The following PLCE1 variants were observed in gnomAD, a reference collection of about 807,000 sequenced individuals.
PLCE1 encodes phospholipase C epsilon 1, also known as 1-phosphatidylinositol 4,5-bisphosphate phosphodiesterase epsilon-1.
Under a neutral mutation model 242.8 loss-of-function variants are expected in PLCE1, and 119 were observed. That is an observed-to-expected ratio of 0.49 (90% confidence interval 0.42 to 0.57). The LOEUF is 0.57. PLCE1 is among the 20% of genes least tolerant of loss of function. The pLI, the probability that PLCE1 is intolerant of heterozygous loss-of-function variation, is 0.00. For synonymous variants in PLCE1, 945 were observed against 1,017.4 expected (o/e 0.93, Z 1.35); for missense variants, 2,441 against 2,788.8 (o/e 0.88, Z 2.81).
At chr10:94,147,334 A>T (rs1466156191) in intron 3 of PLCE1, among the ~76,000 whole-genome samples, 8 of 152,146 alleles carry the variant, frequency 5.3e-5, no homozygotes, top group Admixed American at 5.2e-4. Context: ...AGGCAGGAGA[A>T]TCACTTGAAC....
intron 2 of PLCE1, among the ~76,000 whole-genome samples, chr10:94,118,730 A>G (rs1275047403): frequency 6.6e-6 from 1 of 152,158 alleles, no homozygotes; most frequent in Admixed American, 6.5e-5. Context: ...CAAATTGCCC[A>G]ATCTTGGGTA....
chr10:94,284,628 G>A (rs2052370875), intron 21 of PLCE1, among the ~76,000 whole-genome samples: 1 of 152,156 alleles, frequency 6.6e-6, no homozygotes, highest in African/African-American at 2.4e-5. Flanking sequence ...TAAGACAGTG[G>A]ACCATGCACT....
chr10:94,002,295 C>T (rs1320438169), intron 1 of PLCE1, among the ~76,000 whole-genome samples: 1 of 152,198 alleles, frequency 6.6e-6, no homozygotes, highest in Non-Finnish European at 1.5e-5. Context: ...AGGCTTTTGA[C>T]TGCCTTTTGC....
At chr10:94,072,196 G>A (rs1317602626) in intron 2 of PLCE1, among the ~76,000 whole-genome samples, 1 of 152,134 alleles carries the variant, frequency 6.6e-6, no homozygotes, top group African/African-American at 2.4e-5. Context: ...CTTGGACAGG[G>A]CCCATAGTCT....
chr10:94,302,290 G>C (rs1435094940), intron 24 of PLCE1, among the ~76,000 whole-genome samples: 1 of 152,050 alleles, frequency 6.6e-6, no homozygotes, highest in Admixed American at 6.6e-5. Context: ...AATACCTAGG[G>C]GTTGGGTTGA....
intron 4 of PLCE1, among the ~76,000 whole-genome samples, chr10:94,221,477 C>T (rs2049743306): frequency 6.6e-6 from 1 of 152,246 alleles, no homozygotes; most frequent in Admixed American, 6.5e-5. Context: ...TGGCTCACGC[C>T]TGGAATCCCA....
intron 24 of PLCE1, among the ~76,000 whole-genome samples, chr10:94,299,966 AT>A (rs1183995089): frequency 1.3e-5 from 2 of 152,230 alleles, no homozygotes; most frequent in East Asian, 3.8e-4. Context: ...ACAAATGGAA[AT>A]AATTGTGAAA....
At chr10:94,136,964 G>A (rs1041261011) in intron 3 of PLCE1, among the ~76,000 whole-genome samples, 1 of 152,272 alleles carries the variant, frequency 6.6e-6, no homozygotes, top group East Asian at 1.9e-4. Context: ...AGGCCGAGGC[G>A]GGCAGATCAT....
At chr10:94,224,017 C>T (rs1298173994) in intron 4 of PLCE1, among the ~76,000 whole-genome samples, 1 of 152,014 alleles carries the variant, frequency 6.6e-6, no homozygotes, top group Non-Finnish European at 1.5e-5. Context: ...GCCCTCTCAC[C>T]ATTTAATGCT....
At position 94,118,234 on chromosome 10, in the gene PLCE1, C is replaced by A. The variant is rs200734360; in HGVS notation, c.1207-13940C>A. 1.4e-3 allele frequency among the ~76,000 whole-genome samples: 209 copies of A among 151,284 alleles called. 3 individuals are homozygous for A. The East Asian group carries it at 0.037, about 27-fold the overall frequency. ...TTCTCTTTTCTTTTTTAATGATTTC[C>A]ATGGAGTTCTTTGACATGCAGCTCA... On this transcript the variant is annotated intron_variant, in intron 2 of 32. Transcript: ENST00000371380.
Position 94,324,456 on chromosome 10 carries a change from C to A in PLCE1, c.6609C>A (p.Thr2203=). ...AAGACACTACCAACAAGAAGACTACCACACCAAAGTCCTCTCAGCGGGTCC... is the reference window on the plus strand; with the variant it reads ...AAGACACTACCAACAAGAAGACTACAACACCAAAGTCCTCTCAGCGGGTCC... ...VVKDTTNKKT[T]TPKSSQRVLL... Residue 2203 remains threonine (T), a synonymous_variant, in exon 31 of 33, where the codon ACC becomes ACA. Coordinates refer to ENST00000371380, the MANE Select transcript of PLCE1 (RefSeq NM_016341.4). 1 of 1,614,016 alleles carries A rather than the reference C, an allele frequency of 6.2e-7. No homozygotes were observed. Among genetic ancestry groups the A allele is most frequent in the Non-Finnish European group, 8.5e-7 (1 of 1,179,850 alleles).
chr10:94,249,039 C>CAG (rs1026300423), intron 8 of PLCE1, among the ~76,000 whole-genome samples: 1 of 152,160 alleles, frequency 6.6e-6, no homozygotes, highest in Non-Finnish European at 1.5e-5. Flanking sequence ...GCTGCAAACA[C>CAG]AGCTCCACCC....
intron 17 of PLCE1, among the ~76,000 whole-genome samples, chr10:94,269,514 T>C (rs1185320004): frequency 1.3e-5 from 2 of 152,178 alleles, no homozygotes; most frequent in Non-Finnish European, 2.9e-5. Flanking sequence ...TCATGTGGAA[T>C]GTGCACATGT....
intron 4 of PLCE1, among the ~76,000 whole-genome samples, chr10:94,179,530 T>TTTGTTTTTTTTTTTTTGA (rs10636243): frequency 2.4e-4 from 28 of 118,826 alleles, no homozygotes; most frequent in Non-Finnish European, 4.0e-4. Context: ...TTTTTTTTTT[T>TTTGTTTTTTTTTTTTTGA]GACAGGGTCT....
rs769595986 is a variant in PLCE1 at position 94,279,936 on chromosome 10, G to A, written c.4795+25G>A. ...GGTAAGAGAAACAGATCCCTATGCT[G>A]TGCACAGGAAAATTCTTGGATGATT... On this transcript the variant is annotated intron_variant, in intron 20 of 32. Coordinates refer to ENST00000371380, the MANE Select transcript of PLCE1 (RefSeq NM_016341.4). The A allele has an allele frequency of 7.4e-6, 12 of 1,611,740 alleles. No individual in the cohort carries two copies. In the East Asian group the frequency reaches 2.2e-4, roughly 30 times the overall value.
chr10:94,151,125 T>C (rs1264336889), intron 3 of PLCE1, among the ~76,000 whole-genome samples: 10 of 152,184 alleles, frequency 6.6e-5, no homozygotes, highest in Admixed American at 6.5e-4. Flanking sequence ...GTATAACTCA[T>C]GTGCATTTTC....
chr10:94,005,504 A>G (rs2061016672), intron 1 of PLCE1, among the ~76,000 whole-genome samples: 1 of 152,210 alleles, frequency 6.6e-6, no homozygotes, highest in African/African-American at 2.4e-5. Context: ...AAATACCTGA[A>G]CTTCTCAGCA....
chr10:94,146,401 T>TA (rs1297036428), intron 3 of PLCE1, among the ~76,000 whole-genome samples: 5 of 152,084 alleles, frequency 3.3e-5, no homozygotes, highest in Non-Finnish European at 7.4e-5. Flanking sequence ...AGCACCATTG[T>TA]AAAAAATCTC....
intron 3 of PLCE1, among the ~76,000 whole-genome samples, chr10:94,153,731 A>G (rs371562056): frequency 2.6e-5 from 4 of 152,342 alleles, no homozygotes; most frequent in Admixed American, 6.5e-5. Flanking sequence ...CAAACCAGCC[A>G]TTAACAATCC....
Sources: allele counts gnomAD v4.1 joint callset (sites outside exome capture counted in the v4.1 genomes callset), GRCh38; gene constraint gnomAD v4.1.1; transcripts MANE v1.5; gene names NCBI Gene and HGNC (gene_info 2026-07-23, HGNC 2026-07-21).